FYCO1: variants seen among roughly 807,000 people sequenced by gnomAD.
FYCO1 encodes the protein FYVE and coiled-coil domain autophagy adaptor 1.
FYCO1 carries 122 observed loss-of-function variants against 165.1 expected under a neutral mutation model. The ratio of observed to expected loss-of-function variants is 0.74; its 90% CI spans 0.64 to 0.86. The LOEUF (loss-of-function observed/expected upper bound fraction) is 0.86. Ranked by LOEUF, FYCO1 falls within the 40% of genes least tolerant of loss-of-function variation. The pLI is 0.00. For missense variants in FYCO1, 1,702 were observed against 1,810.3 expected, an observed-to-expected ratio of 0.94 and a Z score of 1.09; for synonymous variants, 648 against 742.5, an observed-to-expected ratio of 0.87 and a Z score of 2.07.
At chr3:45,950,867 C>T (rs1184793586) in intron 14 of FYCO1, among the ~76,000 whole-genome samples, 2 of 152,168 alleles carry the variant, frequency 1.3e-5, no homozygotes, top group African/African-American at 2.4e-5. Context: ...GGTCAACCCA[C>T]GCGCAAGGTG....
At chr3:45,959,733 C>T (rs573405154) in intron 11 of FYCO1, among the ~76,000 whole-genome samples, 191 bp from the exon 12 acceptor site, 1 of 152,216 alleles carries the variant, frequency 6.6e-6, no homozygotes, top group African/African-American at 2.4e-5. Context: ...TTAACTGACA[C>T]CGCATGTGTG....
intron 2 of FYCO1, among the ~76,000 whole-genome samples, chr3:45,983,462 T>G (rs1218426394): frequency 6.6e-6 from 1 of 152,224 alleles, no homozygotes; most frequent in Non-Finnish European, 1.5e-5. Flanking sequence ...CTGTGGCCTA[T>G]GTAAAGGACA....
chr3:45,967,025 TG>T lies in FYCO1; in HGVS notation c.2308del (p.Gln770SerfsTer2). 1.2e-6 allele frequency: 2 copies of T among 1,613,324 alleles called. No homozygotes were observed. Among genetic ancestry groups the T allele is most frequent in the Non-Finnish European group, 1.7e-6 (2 of 1,180,006 alleles). On this transcript the variant is annotated frameshift_variant, in exon 8 of 18. Transcript: ENST00000296137. LOFTEE classifies it high-confidence loss of function. ...TDNEARELAA[Q>X]LALSQAQLEV... Reference sequence around the variant, plus strand: ...CAGCTGCGCCTGAGACAGGGCTAGCTGGGCAGCCAGCTCACGGGCTTCATTG... The same window carrying T: ...CAGCTGCGCCTGAGACAGGGCTAGCTGGCAGCCAGCTCACGGGCTTCATTG...
intron 7 of FYCO1, among the ~76,000 whole-genome samples, 164 bp downstream of exon 7, chr3:45,969,511 G>T (rs1706298065): frequency 6.6e-6 from 1 of 152,180 alleles, no homozygotes; most frequent in Non-Finnish European, 1.5e-5. Flanking sequence ...GATTCTATTT[G>T]GTTGAAAAAC....
Position 45,968,466 on chromosome 3 carries a change from G to A in FYCO1, c.868C>T (p.Arg290Cys), listed in dbSNP as rs760164181. 8.7e-6 allele frequency: 14 copies of A among 1,613,896 alleles called. No individual in the cohort carries two copies. The highest frequency in any genetic ancestry group is 6.7e-5 in the East Asian group (3 of 44,896). The change falls in exon 8 of 18, where the codon CGC becomes TGC. Residue 290 changes from arginine to cysteine, a missense_variant. By Grantham distance (180) the Arg-to-Cys change is radical. Transcript: ENST00000296137. ...AGCTCAGCTACCAAGCAAGTGAGGC[G>A]AACGTTGTCCTCCGCTGCAGTGCGC... is the stretch of plus-strand genomic sequence containing the variant. ...RGRTAAEDNV[R>C]LTCLVAELQK...
At chr3:45,955,211 T>C in intron 14 of FYCO1, 38 bp downstream of exon 14, 1 of 1,610,854 alleles carries the variant, frequency 6.2e-7, no homozygotes, top group East Asian at 2.2e-5. Context: ...GCCAGGCCTG[T>C]AATGAGCACT....
At chr3:45,983,024 T>C (rs941968699) in intron 2 of FYCO1, among the ~76,000 whole-genome samples, 11 of 152,214 alleles carry the variant, frequency 7.2e-5, no homozygotes, top group African/African-American at 2.2e-4. Context: ...ATATGAAATA[T>C]GAAATTTTCA....
intron 1 of FYCO1, among the ~76,000 whole-genome samples, chr3:45,986,098 G>T (rs1031909659): frequency 6.6e-6 from 1 of 152,230 alleles, no homozygotes; most frequent in Non-Finnish European, 1.5e-5. Flanking sequence ...AGGAGAAAAT[G>T]ATGCTCAGAG....
chr3:45,992,644 G>A (rs1470217333), intron 1 of FYCO1, among the ~76,000 whole-genome samples: 2 of 152,154 alleles, frequency 1.3e-5, no homozygotes, highest in African/African-American at 4.8e-5. Context: ...GCAATGTTGA[G>A]AGGTAAACTT....
intron 14 of FYCO1, chr3:45,943,622 T>C (rs973112413): frequency 6.6e-6 from 1 of 152,234 alleles, no homozygotes; most frequent in African/African-American, 2.4e-5. Context: ...CTCAGATTCC[T>C]GTCTGTAGTA....
chr3:45,947,614 G>C, intron 14 of FYCO1: 1 of 879,010 alleles, frequency 1.1e-6, no homozygotes, highest in Non-Finnish European at 1.8e-6. Context: ...CATTCTCATG[G>C]AGAAGTTATC....
Position 45,966,259 on chromosome 3 carries a change from G to T in FYCO1, c.3057+18C>A. The T allele has an allele frequency of 6.2e-7, 1 of 1,611,796 alleles. No homozygotes were observed. The highest frequency in any genetic ancestry group is 1.1e-5 in the South Asian group (1 of 90,966). ...CCAGGGAGAGGGGTAGAGCCCAAGT[G>T]GTTGAAGCTAGGATTACCTTAAGTC... On this transcript the variant is annotated intron_variant, in intron 8 of 17. Transcript: ENST00000296137.
intron 14 of FYCO1, chr3:45,946,458 C>T (rs1290654130): frequency 6.3e-7 from 1 of 1,590,348 alleles, no homozygotes; most frequent in Non-Finnish European, 8.6e-7. Flanking sequence ...TTCTGACTCA[C>T]AGGTGTTCAT....
At chr3:45,923,858 TGA>T in intron 16 of FYCO1, 93 bp from the exon 17 acceptor site, 1 of 846,008 alleles carries the variant, frequency 1.2e-6, no homozygotes, top group Non-Finnish European at 2.0e-6. Context: ...GGTAGGAGGC[TGA>T]GTGTGTTGCC....
chr3:45,953,301 C>T (rs1705131396), intron 14 of FYCO1, among the ~76,000 whole-genome samples: 1 of 152,122 alleles, frequency 6.6e-6, no homozygotes, highest in Non-Finnish European at 1.5e-5. Flanking sequence ...TAAAAAATGT[C>T]CTTAACCAGA....
At chr3:45,985,389 C>A (rs1707260676) in intron 1 of FYCO1, among the ~76,000 whole-genome samples, 1 of 152,192 alleles carries the variant, frequency 6.6e-6, no homozygotes, top group African/African-American at 2.4e-5. Flanking sequence ...TCAGTGCAGC[C>A]CAGCTTCAGA....
Position 45,931,137 on chromosome 3 carries a change from G to T in FYCO1, c.4185C>A (p.Asp1395Glu). The T allele has an allele frequency of 6.2e-7, 1 of 1,613,982 alleles. No individual in the cohort carries two copies. Among genetic ancestry groups the T allele is most frequent in the South Asian group, 1.1e-5 (1 of 91,080 alleles). ...CCACACTGAAGGAGATGCTCTTGGG[G>T]TCAGAGGAGAAGACCCAGCTGATGG... ...GLTISWVFSS[D>E]PKSISFSVVF... Residue 1395 changes from aspartate to glutamate, a missense_variant, in exon 16 of 18, where the codon GAC becomes GAA. Transcript: ENST00000296137.
At chr3:45,946,886 C>T (rs750883637) in intron 14 of FYCO1, 2 of 1,614,228 alleles carry the variant, frequency 1.2e-6, no homozygotes, top group Non-Finnish European at 1.7e-6. Flanking sequence ...TTAAGGCCAC[C>T]AAGGCCTACA....
intron 13 of FYCO1, among the ~76,000 whole-genome samples, chr3:45,957,779 C>T (rs1395723294): frequency 1.3e-5 from 2 of 152,246 alleles, no homozygotes; most frequent in African/African-American, 4.8e-5. Flanking sequence ...TCACAGGGAC[C>T]AGCTGCAGAT....
Sources: allele counts gnomAD v4.1 joint callset (sites outside exome capture counted in the v4.1 genomes callset), GRCh38; gene constraint gnomAD v4.1.1; transcripts MANE v1.5; gene names NCBI Gene and HGNC (gene_info 2026-07-23, HGNC 2026-07-21).